NAALADL2: variants seen among roughly 807,000 people sequenced by gnomAD.
NAALADL2 encodes the protein N-acetylated alpha-linked acidic dipeptidase like 2, also known as inactive N-acetylated-alpha-linked acidic dipeptidase-like protein 2.
In NAALADL2, 76 loss-of-function variants were observed where a neutral mutation model predicts 87.2. The ratio of observed to expected loss-of-function variants is 0.87; its 90% CI spans 0.72 to 1.05. The LOEUF is 1.05. Among genes scored for constraint, NAALADL2 ranks in the 50% least tolerant of loss-of-function variants. The pLI, the probability that NAALADL2 is intolerant of heterozygous loss-of-function variation, is 0.00. For synonymous variants in NAALADL2, 354 were observed against 331.0 expected (o/e 1.07, Z -0.75); for missense variants, 1,089 against 945.8 (o/e 1.15, Z -1.99).
At chr3:174,824,782 G>A (rs1205781802) in intron 3 of NAALADL2, among the ~76,000 whole-genome samples, 1 of 151,964 alleles carries the variant, frequency 6.6e-6, no homozygotes. Flanking sequence ...GTCACTTATG[G>A]GACAAAATGG....
intron 3 of NAALADL2, among the ~76,000 whole-genome samples, chr3:174,811,042 C>T (rs925869688): frequency 6.6e-6 from 1 of 152,186 alleles, no homozygotes; most frequent in Non-Finnish European, 1.5e-5. Context: ...CTGTGGTTCA[C>T]AGAGTGCAAG....
intron 2 of NAALADL2, among the ~76,000 whole-genome samples, chr3:174,735,319 A>G (rs1398151228): frequency 2.0e-5 from 3 of 152,200 alleles, no homozygotes; most frequent in African/African-American, 7.2e-5. Context: ...GGCACATTAC[A>G]TACCATGTCT....
chr3:174,905,752 A>G (rs1039910722), intron 1 of NAALADL2, among the ~76,000 whole-genome samples: 6 of 151,982 alleles, frequency 3.9e-5, no homozygotes, highest in Non-Finnish European at 7.4e-5. Flanking sequence ...ATAAATCTCT[A>G]TTGTGGTATC....
intron 1 of NAALADL2, among the ~76,000 whole-genome samples, chr3:175,004,262 T>G (rs1426133064): frequency 6.7e-6 from 1 of 150,314 alleles, no homozygotes; most frequent in Non-Finnish European, 1.5e-5. Context: ...CTGGGTGTGG[T>G]GATGCATGCT....
intron 4 of NAALADL2, among the ~76,000 whole-genome samples, chr3:175,311,222 T>C (rs1423143167): frequency 1.9e-5 from 2 of 107,618 alleles, no homozygotes; most frequent in South Asian, 2.7e-4. Context: ...ATCTAGAACA[T>C]GGATTTTTTT....
At chr3:174,450,277 C>T (rs780565186) in intron 1 of NAALADL2, among the ~76,000 whole-genome samples, 7 of 152,118 alleles carry the variant, frequency 4.6e-5, no homozygotes, top group East Asian at 1.9e-4. Flanking sequence ...TTGGGTGCTG[C>T]GCCTGAGGAT....
intron 1 of NAALADL2, among the ~76,000 whole-genome samples, chr3:175,046,072 C>T (rs1560510926): frequency 6.6e-6 from 1 of 151,264 alleles, no homozygotes; most frequent in Non-Finnish European, 1.5e-5. Context: ...TATTTCCTTT[C>T]TGCTTGATAC....
chr3:175,719,297 T>C (rs1741885958), intron 11 of NAALADL2, among the ~76,000 whole-genome samples: 1 of 152,036 alleles, frequency 6.6e-6, no homozygotes, highest in Admixed American at 6.6e-5. Context: ...GTCCAATATG[T>C]TGCTAAAAGA....
At chr3:175,441,524 T>C (rs962004864) in intron 5 of NAALADL2, among the ~76,000 whole-genome samples, 1 of 152,118 alleles carries the variant, frequency 6.6e-6, no homozygotes, top group Non-Finnish European at 1.5e-5. Flanking sequence ...TGATAGACTA[T>C]AGATTCTGAT....
chr3:175,419,573 T>G (rs540358235), intron 5 of NAALADL2, among the ~76,000 whole-genome samples: 1 of 152,078 alleles, frequency 6.6e-6, no homozygotes, highest in Admixed American at 6.6e-5. Flanking sequence ...TTAGGTAACA[T>G]TCATTTTAAT....
chr3:175,622,336 G>T (rs564137070), intron 10 of NAALADL2, among the ~76,000 whole-genome samples: 2 of 152,064 alleles, frequency 1.3e-5, no homozygotes, highest in Non-Finnish European at 2.9e-5. Context: ...AACAAGTGCC[G>T]TAAAACAGCT....
intron 3 of NAALADL2, among the ~76,000 whole-genome samples, chr3:175,245,582 G>A (rs1210926258): frequency 6.6e-6 from 1 of 152,190 alleles, no homozygotes; most frequent in East Asian, 1.9e-4. Context: ...TATGTTATTT[G>A]TGCTATTGAA....
chr3:175,193,117 A>T (rs1738449987), intron 2 of NAALADL2, among the ~76,000 whole-genome samples: 1 of 151,976 alleles, frequency 6.6e-6, no homozygotes, highest in African/African-American at 2.4e-5. Context: ...AATCTACAAA[A>T]TGTCAGGGAT....
intron 1 of NAALADL2, among the ~76,000 whole-genome samples, chr3:175,026,579 T>C (rs138280890): frequency 3.6e-3 from 537 of 151,188 alleles, no homozygotes; most frequent in Non-Finnish European, 4.1e-3. Flanking sequence ...TGCTTGAACC[T>C]GGTAGGCAGA....
intron 1 of NAALADL2, among the ~76,000 whole-genome samples, chr3:174,878,289 T>A (rs141836633): frequency 2.0e-5 from 3 of 152,226 alleles, no homozygotes; most frequent in Non-Finnish European, 4.4e-5. Context: ...ATGAAAGATT[T>A]CTATATATTA....
chr3:175,241,687 C>T (rs771307618), intron 3 of NAALADL2, among the ~76,000 whole-genome samples: 18 of 151,892 alleles, frequency 1.2e-4, no homozygotes, highest in East Asian at 1.9e-4. Context: ...AGAGAGAGTA[C>T]GTTTTCTACC....
At chr3:174,565,717 GA>G (rs1279528374) in intron 2 of NAALADL2, among the ~76,000 whole-genome samples, 9 of 151,992 alleles carry the variant, frequency 5.9e-5, no homozygotes, top group Non-Finnish European at 5.9e-5. Flanking sequence ...GATTTGTTAA[GA>G]TTTTGTTTAG....
At chr3:174,843,564 G>T (rs959449184) in intron 3 of NAALADL2, among the ~76,000 whole-genome samples, 1 of 152,122 alleles carries the variant, frequency 6.6e-6, no homozygotes, top group African/African-American at 2.4e-5. Context: ...CCAGTAATGA[G>T]ATTGCAAGAA....
chr3:174,896,384 C>T (rs950204034), intron 1 of NAALADL2, among the ~76,000 whole-genome samples: 2 of 151,902 alleles, frequency 1.3e-5, no homozygotes, highest in African/African-American at 4.8e-5. Context: ...CAATGATGAA[C>T]AATGTTAAAA....
Sources: gnomAD v4.1 joint callset for allele counts (sites outside exome capture counted in the v4.1 genomes callset) on GRCh38, gnomAD v4.1.1 for gene constraint, MANE v1.5 for transcripts, NCBI Gene and HGNC (gene_info 2026-07-23, HGNC 2026-07-21) for gene names.